The following LNPK variants were observed in gnomAD, a reference collection of about 807,000 sequenced individuals.
LNPK encodes the protein endoplasmic reticulum junction formation protein lunapark.
Under a neutral mutation model 55.2 loss-of-function variants are expected in LNPK, and 29 were observed. The observed-to-expected ratio is 0.53, with a 90% CI of 0.39 to 0.72. The LOEUF is 0.72. Ranked by LOEUF, LNPK falls within the 30% of genes least tolerant of loss-of-function variation. The pLI is 0.00. For synonymous variants in LNPK, 162 were observed against 168.2 expected, an observed-to-expected ratio of 0.96 and a Z score of 0.29; for missense variants, 467 against 494.8, an observed-to-expected ratio of 0.94 and a Z score of 0.53.
chr2:175,950,512 T>G (rs183864969), intron 8 of LNPK, among the ~76,000 whole-genome samples: 11 of 152,232 alleles, frequency 7.2e-5, no homozygotes, highest in Non-Finnish European at 1.0e-4. Flanking sequence ...CCCAAAAATA[T>G]GTACAATTAT....
chr2:175,951,490 TACTTC>T (rs1294042109), intron 8 of LNPK, among the ~76,000 whole-genome samples: 1 of 150,988 alleles, frequency 6.6e-6, no homozygotes, highest in African/African-American at 2.4e-5. Flanking sequence ...ATTCCTGAGT[TACTTC>T]ACTTAGAGTA....
chr2:176,001,612 C>T (rs1688162118), intron 1 of LNPK, among the ~76,000 whole-genome samples: 1 of 152,120 alleles, frequency 6.6e-6, no homozygotes. Flanking sequence ...CTAAGTAGCA[C>T]GTACTCCACG....
Position 175,924,469 on chromosome 2 carries a change from G to A in LNPK, c.*5498C>T, listed in dbSNP as rs992669020. The stretch of plus-strand genomic sequence containing the variant: ...TCTTATTTTTTAAATGAAACTTTAT[G>A]TAACCTTCAGGTTGTATTTTTTAAA... On this transcript the variant is annotated 3_prime_UTR_variant, in exon 13 of 13. Transcript: ENST00000272748. 2.6e-5 allele frequency: 4 copies of A among 152,116 alleles called. No individual in the cohort carries two copies. Among genetic ancestry groups the A allele is most frequent in the Non-Finnish European group, 5.9e-5 (4 of 68,006 alleles). The allele number at this position is 152,116 out of a possible 1,614,324, so 9.4% of individuals were successfully genotyped here.
At chr2:175,986,692 T>C (rs1559070341) in intron 4 of LNPK, among the ~76,000 whole-genome samples, 1 of 151,848 alleles carries the variant, frequency 6.6e-6, no homozygotes, top group Non-Finnish European at 1.5e-5. Context: ...AATCATATGG[T>C]ATCTCCATAG....
At chr2:175,945,302 G>C (rs1183627136) in intron 9 of LNPK, among the ~76,000 whole-genome samples, 1 of 150,858 alleles carries the variant, frequency 6.6e-6, no homozygotes, top group East Asian at 2.0e-4. Context: ...CTGAGGTCAG[G>C]AGTCTGAGAA....
At chr2:175,956,597 A>G (rs1318526773) in intron 8 of LNPK, among the ~76,000 whole-genome samples, 1 of 152,168 alleles carries the variant, frequency 6.6e-6, no homozygotes, top group African/African-American at 2.4e-5. Flanking sequence ...TTATTTTTTA[A>G]AATGCTTTGA....
At chr2:175,955,294 C>T (rs1375603284) in intron 8 of LNPK, among the ~76,000 whole-genome samples, 1 of 152,110 alleles carries the variant, frequency 6.6e-6, no homozygotes, top group African/African-American at 2.4e-5. Context: ...GAACCTGCCA[C>T]CAGGGAAGAG....
chr2:175,974,490 A>T (rs1686810053), intron 5 of LNPK, among the ~76,000 whole-genome samples: 1 of 152,214 alleles, frequency 6.6e-6, no homozygotes, highest in Non-Finnish European at 1.5e-5. Flanking sequence ...TGTAGGATGA[A>T]CGCAGCTAAA....
chr2:175,976,432 T>C (rs542218883), intron 5 of LNPK, among the ~76,000 whole-genome samples: 2 of 152,330 alleles, frequency 1.3e-5, no homozygotes, highest in South Asian at 2.1e-4. Context: ...GGTCTTGTGA[T>C]GGTTAATCGT....
At chr2:175,932,945 A>G (rs1327447336) in intron 12 of LNPK, among the ~76,000 whole-genome samples, 3 of 151,964 alleles carry the variant, frequency 2.0e-5, no homozygotes, top group Admixed American at 1.3e-4. Context: ...AAACAACCCT[A>G]CTCTTCCCTT....
At chr2:175,930,579 T>C (rs538457998) in intron 12 of LNPK, among the ~76,000 whole-genome samples, 1 of 150,094 alleles carries the variant, frequency 6.7e-6, no homozygotes, top group South Asian at 2.1e-4. Context: ...AATGTATTAA[T>C]GTCCAGATTA....
At chr2:175,951,401 A>G (rs901532897) in intron 8 of LNPK, among the ~76,000 whole-genome samples, 1 of 151,534 alleles carries the variant, frequency 6.6e-6, no homozygotes, top group Non-Finnish European at 1.5e-5. Context: ...CCCAAAGTCC[A>G]TTGTGTCATT....
intron 6 of LNPK, among the ~76,000 whole-genome samples, chr2:175,968,966 C>T (rs111740800): frequency 5.3e-5 from 8 of 151,522 alleles, no homozygotes; most frequent in African/African-American, 9.7e-5. Flanking sequence ...CGCAGTGACC[C>T]GAGATTGCAC....
At position 175,993,206 on chromosome 2, in the gene LNPK, T is replaced by C. The variant is rs1687779254; in HGVS notation, c.45A>G (p.Val15=). The C allele has an allele frequency of 1.3e-6, 2 of 1,564,364 alleles. No individual in the cohort carries two copies. The highest frequency in any genetic ancestry group is 1.7e-6 in the Non-Finnish European group (2 of 1,151,052). ...CCTTATCTATACTTTCTAGAACTTCTACAGTTGAAGGTTTTGTCTGTTATA... is the reference window on the plus strand; with the variant it reads ...CCTTATCTATACTTTCTAGAACTTCCACAGTTGAAGGTTTTGTCTGTTATA... ...FSRWRTKPST[V]EVLESIDKEI... The change falls in exon 3 of 13, where the codon GTA becomes GTG. Residue 15 remains valine (V), a synonymous_variant. Transcript: ENST00000272748.
At chr2:175,985,218 A>ATGGCTATAAAGGAG (rs1364803472) in intron 4 of LNPK, among the ~76,000 whole-genome samples, 1 of 152,230 alleles carries the variant, frequency 6.6e-6, no homozygotes, top group Non-Finnish European at 1.5e-5. Flanking sequence ...GAAGATGTGT[A>ATGGCTATAAAGGAG]TGGCTATAAA....
chr2:175,958,840 T>C (rs371893597), intron 8 of LNPK, among the ~76,000 whole-genome samples: 6 of 152,024 alleles, frequency 3.9e-5, no homozygotes, highest in African/African-American at 1.4e-4. Context: ...ATTAGACAAA[T>C]GGCTAACTAG....
intron 9 of LNPK, among the ~76,000 whole-genome samples, chr2:175,944,435 A>G (rs1685019352): frequency 6.6e-6 from 1 of 152,114 alleles, no homozygotes; most frequent in South Asian, 2.1e-4. Flanking sequence ...ACACATTCAA[A>G]CATTATGAAT....
intron 2 of LNPK, among the ~76,000 whole-genome samples, chr2:175,993,496 TC>T (rs1288522717): frequency 1.2e-4 from 18 of 152,138 alleles, no homozygotes; most frequent in African/African-American, 4.3e-4. Context: ...ATTCTTAACC[TC>T]AATAGAACAC....
At chr2:175,943,299 T>C (rs1684951839) in intron 9 of LNPK, among the ~76,000 whole-genome samples, 1 of 148,896 alleles carries the variant, frequency 6.7e-6, no homozygotes, top group South Asian at 2.1e-4. Context: ...ATCTTTAAAA[T>C]TAAGGAAACA....
Sources: allele counts gnomAD v4.1 joint callset (sites outside exome capture counted in the v4.1 genomes callset), GRCh38; gene constraint gnomAD v4.1.1; transcripts MANE v1.5; gene names NCBI Gene and HGNC (gene_info 2026-07-23, HGNC 2026-07-21).